Variants in XG observed in about 807,000 individuals in gnomAD.
XG encodes the protein Xg glycoprotein (Xg blood group), also known as glycoprotein Xg.
A neutral mutation model predicts 25.7 loss-of-function variants in XG; 24 were observed. The observed-to-expected ratio is 0.93, with a 90% CI of 0.68 to 1.31. XG has a LOEUF of 1.31. Among genes scored for constraint, XG ranks in the 40% most tolerant of loss-of-function variants. The pLI is 0.00. For synonymous variants in XG, 77 were observed against 69.2 expected (o/e 1.11, Z -0.56); for missense variants, 181 against 187.6 (o/e 0.96, Z 0.21).
intron 4 of XG, among the ~76,000 whole-genome samples, chrX:2,782,581 A>G (rs1233550124): frequency 2.7e-5 from 3 of 111,201 alleles, no homozygotes; most frequent in Non-Finnish European, 5.7e-5. Context: ...CAGGTTGGAA[A>G]GGGAACCATA....
intron 1 of XG, among the ~76,000 whole-genome samples, chrX:2,766,859 C>T (rs1464290898): frequency 2.0e-5 from 3 of 152,144 alleles, no homozygotes; most frequent in African/African-American, 4.8e-5. Flanking sequence ...GCCACCGCGC[C>T]CAGCCTGTGC....
Position 2,814,836 on chromosome X carries a change from A to G in XG, c.*456A>G, listed in dbSNP as rs1255224288. The G allele has an allele frequency of 1.7e-5, 2 of 114,965 alleles. No homozygotes were observed. The highest frequency in any genetic ancestry group is 6.5e-5 in the African/African-American group (2 of 30,924). 9.5% of individuals were successfully genotyped at this position (114,965 alleles called of 1,213,427 possible). On this transcript the variant is annotated 3_prime_UTR_variant, in exon 11 of 11. Transcript: ENST00000644266. ...TCCAAAGATGCTGGACCTGTGCTAA[A>G]TTCTTCAGTGATATGAAAAAATCAT...
chrX:2,754,288 C>T (rs908358613), intron 1 of XG, among the ~76,000 whole-genome samples: 2 of 152,060 alleles, frequency 1.3e-5, no homozygotes, highest in African/African-American at 2.4e-5. Flanking sequence ...TTTGTAGAGA[C>T]GGGATCTCAC....
intron 3 of XG, 46 bp from the exon 4 acceptor site, chrX:2,782,020 A>G: frequency 8.5e-7 from 1 of 1,170,688 alleles, no homozygotes; most frequent in Non-Finnish European, 1.2e-6. Context: ...CTCCTAAGGG[A>G]AGGACAATTT....
At chrX:2,764,882 AAC>A (rs1210638435) in intron 1 of XG, among the ~76,000 whole-genome samples, 1 of 151,328 alleles carries the variant, frequency 6.6e-6, no homozygotes, top group Non-Finnish European at 1.5e-5. Flanking sequence ...CATTACTAAA[AAC>A]ACAAAAATTA....
intron 7 of XG, among the ~76,000 whole-genome samples, chrX:2,801,742 T>C (rs759368810): frequency 1.8e-5 from 2 of 111,049 alleles, no homozygotes; most frequent in African/African-American, 3.3e-5. Flanking sequence ...GGAGTCTCGC[T>C]CTGTCGCCCA....
chrX:2,752,145 C>T lies in XG; in HGVS notation c.-130C>T. ...CTGGCAGTTCCGCTCATATTTTCCA[C>T]TTGAAGACATCGCCTCCCTTCCTTC... On this transcript the variant is annotated 5_prime_UTR_variant, in exon 1 of 11. Transcript: ENST00000644266. 1 of 1,488,892 alleles carries T rather than the reference C, an allele frequency of 6.7e-7. No individual in the cohort carries two copies. The highest frequency in any genetic ancestry group is 9.1e-7 in the Non-Finnish European group (1 of 1,099,702). 92.2% of individuals were successfully genotyped at this position (1,488,892 alleles called of 1,614,324 possible). A position where few individuals can be genotyped will look rare whatever the true frequency, so the allele number is the denominator to read the frequency against.
chrX:2,775,487 TG>T (rs1440924565), intron 3 of XG, among the ~76,000 whole-genome samples: 1 of 151,744 alleles, frequency 6.6e-6, no homozygotes, highest in Non-Finnish European at 1.5e-5. Context: ...AAAGAGAGAG[TG>T]ACTGCTTGAT....
At chrX:2,769,360 C>T (rs2050766308) in intron 1 of XG, among the ~76,000 whole-genome samples, 1 of 152,228 alleles carries the variant, frequency 6.6e-6, no homozygotes, top group Non-Finnish European at 1.5e-5. Flanking sequence ...CCCCCCTGGA[C>T]AATTCTGTAG....
chrX:2,804,376 C>T (rs2086973636), intron 7 of XG, among the ~76,000 whole-genome samples: 1 of 111,915 alleles, frequency 8.9e-6, no homozygotes, highest in Non-Finnish European at 1.9e-5. Context: ...CTTTCACTGT[C>T]ATCATTTCCT....
chrX:2,763,614 A>C (rs1437599456), intron 1 of XG, among the ~76,000 whole-genome samples: 1 of 152,094 alleles, frequency 6.6e-6, no homozygotes, highest in African/African-American at 2.4e-5. Flanking sequence ...AATCAGAGAA[A>C]CTTTGAATCC....
chrX:2,797,586 G>A (rs765597274), intron 7 of XG, among the ~76,000 whole-genome samples: 1 of 102,559 alleles, frequency 9.8e-6, no homozygotes, highest in Non-Finnish European at 2.0e-5. Context: ...ATACACACAT[G>A]CACACACACA....
intron 7 of XG, among the ~76,000 whole-genome samples, chrX:2,801,977 G>T (rs888187202): frequency 9.0e-6 from 1 of 111,463 alleles, no homozygotes; most frequent in Non-Finnish European, 1.9e-5. Flanking sequence ...AAAGTGCTGG[G>T]ATTACAGGCG....
intron 1 of XG, among the ~76,000 whole-genome samples, chrX:2,753,913 T>C (rs1028995255): frequency 1.4e-3 from 217 of 152,222 alleles, no homozygotes; most frequent in Non-Finnish European, 2.6e-3. Flanking sequence ...CAGTACAATG[T>C]TCAATAAATT....
chrX:2,766,557 CTTTTTTTTTT>C (rs1177391752), intron 1 of XG, among the ~76,000 whole-genome samples: 10 of 90,176 alleles, frequency 1.1e-4, no homozygotes, highest in African/African-American at 4.7e-4. Context: ...CTTATGGCCA[CTTTTTTTTTT>C]TTTTTTTTTT....
At chrX:2,753,412 C>T (rs921453955) in intron 1 of XG, among the ~76,000 whole-genome samples, 3 of 152,118 alleles carry the variant, frequency 2.0e-5, no homozygotes, top group Non-Finnish European at 4.4e-5. Flanking sequence ...AAAGGTTAAC[C>T]ATATCCCCTT....
chrX:2,794,568 G>A lies in XG; in HGVS notation c.287G>A (p.Arg96His), dbSNP rs2086866162. The part of the protein sequence containing the change: ...YFNDVDRDDG[R>H]YPPRPRPRPP... The stretch of plus-strand genomic sequence containing the variant: ...AATGATGTGGACCGTGATGACGGAC[G>A]CTACCCGCCCAGGCCCAGGCCACGG... Residue 96 changes from arginine to histidine, a missense_variant, in exon 6 of 11, where the codon CGC becomes CAC. Physicochemically the swap from Arg to His is conservative, Grantham distance 29 (BLOSUM62 0). Transcript: ENST00000644266. 8.3e-7 allele frequency: 1 copy of A among 1,211,647 alleles called. No individual in the cohort carries two copies. Among genetic ancestry groups the A allele is most frequent in the South Asian group, 1.8e-5 (1 of 56,898 alleles).
At chrX:2,784,485 G>A (rs1328473431) in intron 4 of XG, among the ~76,000 whole-genome samples, 7 of 107,564 alleles carry the variant, frequency 6.5e-5, no homozygotes, top group Non-Finnish European at 1.3e-4. Context: ...CATAAGAATC[G>A]CTTGAACCTG....
At chrX:2,771,192 A>C (rs1286052524) in intron 2 of XG, among the ~76,000 whole-genome samples, 1 of 149,138 alleles carries the variant, frequency 6.7e-6, no homozygotes, top group Non-Finnish European at 1.5e-5. Flanking sequence ...CATATCCCTC[A>C]TTGTCCCACA....
Sources: allele counts gnomAD v4.1 joint callset (sites outside exome capture counted in the v4.1 genomes callset), GRCh38; gene constraint gnomAD v4.1.1; transcripts MANE v1.5; gene names NCBI Gene and HGNC (gene_info 2026-07-23, HGNC 2026-07-21).